Variants in PTPRD observed in about 807,000 individuals in gnomAD.
PTPRD encodes protein tyrosine phosphatase receptor type D, also known as receptor-type tyrosine-protein phosphatase delta.
Under a neutral mutation model 214.5 loss-of-function variants are expected in PTPRD, and 34 were observed. The observed-to-expected ratio is 0.16, with a 90% CI of 0.12 to 0.21. The LOEUF (loss-of-function observed/expected upper bound fraction) is 0.21. PTPRD is among the 10% of genes least tolerant of loss of function. The pLI, the probability that PTPRD is intolerant of heterozygous loss-of-function variation, is 1.00. For synonymous variants in PTPRD, 1,128 were observed against 845.7 expected (o/e 1.33, Z -5.79); for missense variants, 2,545 against 2,398.7 (o/e 1.06, Z -1.27).
intron 5 of PTPRD, among the ~76,000 whole-genome samples, chr9:9,883,936 T>C (rs751280011): frequency 6.6e-6 from 1 of 152,172 alleles, no homozygotes; most frequent in Non-Finnish European, 1.5e-5. Context: ...CTGAATACTC[T>C]ATGCTTTCAG....
chr9:8,913,912 T>A (rs2098766399), intron 11 of PTPRD, among the ~76,000 whole-genome samples: 1 of 152,148 alleles, frequency 6.6e-6, no homozygotes, highest in South Asian at 2.1e-4. Flanking sequence ...ATTCAACAAA[T>A]ATTTACTAAG....
chr9:9,720,505 C>G (rs6477411), intron 7 of PTPRD, among the ~76,000 whole-genome samples: 65,133 of 152,004 alleles, frequency 0.43, 16,365 homozygotes, highest in African/African-American at 0.69. Context: ...TTAGAAAATA[C>G]TGGCAGGGTA....
intron 11 of PTPRD, among the ~76,000 whole-genome samples, chr9:8,933,160 G>A (rs750303393): frequency 5.9e-5 from 9 of 151,940 alleles, no homozygotes; most frequent in South Asian, 2.1e-4. Context: ...GTGAGGTGAC[G>A]CCCCACCCTG....
At chr9:10,380,848 T>C (rs111926710) in intron 2 of PTPRD, among the ~76,000 whole-genome samples, 2,327 of 152,102 alleles carry the variant, frequency 0.015, 64 homozygotes, top group African/African-American at 0.053. Flanking sequence ...TGAGTTCAAT[T>C]GTGATTAGTC....
At chr9:10,394,866 T>C (rs2098137196) in intron 2 of PTPRD, among the ~76,000 whole-genome samples, 1 of 151,858 alleles carries the variant, frequency 6.6e-6, no homozygotes, top group Non-Finnish European at 1.5e-5. Context: ...AGATGGTCAT[T>C]CCAAAGATAA....
intron 5 of PTPRD, among the ~76,000 whole-genome samples, chr9:9,828,714 A>G (rs1277008809): frequency 1.4e-5 from 2 of 144,884 alleles, no homozygotes; most frequent in African/African-American, 2.5e-5. Flanking sequence ...CCTAAGCAGG[A>G]TTTTTTTTTT....
At chr9:10,026,747 C>T (rs1366063834) in intron 4 of PTPRD, among the ~76,000 whole-genome samples, 1 of 152,040 alleles carries the variant, frequency 6.6e-6, no homozygotes, top group African/African-American at 2.4e-5. Context: ...GACTTTGACA[C>T]AACCATCACG....
intron 8 of PTPRD, among the ~76,000 whole-genome samples, chr9:9,481,724 C>T (rs1424005106): frequency 1.3e-5 from 2 of 151,888 alleles, no homozygotes; most frequent in Middle Eastern, 3.4e-3. Flanking sequence ...GCAGTGCTGG[C>T]GTTCAGTTCT....
chr9:9,531,121 C>T (rs1263725859), intron 8 of PTPRD, among the ~76,000 whole-genome samples: 10 of 152,236 alleles, frequency 6.6e-5, no homozygotes, highest in Non-Finnish European at 1.3e-4. Flanking sequence ...GCATTCTATG[C>T]TGCAACAAAT....
At chr9:9,930,028 A>C (rs1250614415) in intron 5 of PTPRD, among the ~76,000 whole-genome samples, 1 of 152,202 alleles carries the variant, frequency 6.6e-6, no homozygotes, top group African/African-American at 2.4e-5. Context: ...TGTAGGAAAC[A>C]AAACAAAACA....
At chr9:9,010,564 G>C (rs954197138) in intron 11 of PTPRD, among the ~76,000 whole-genome samples, 1 of 152,202 alleles carries the variant, frequency 6.6e-6, no homozygotes. Flanking sequence ...CAGTGCACAT[G>C]TTTTCACATG....
chr9:9,300,307 T>C (rs1795259867), intron 9 of PTPRD, among the ~76,000 whole-genome samples: 1 of 151,688 alleles, frequency 6.6e-6, no homozygotes, highest in Admixed American at 6.6e-5. Flanking sequence ...GTATACACTA[T>C]TTTGTATCTT....
chr9:8,761,175 T>A (rs1190995076), intron 11 of PTPRD, among the ~76,000 whole-genome samples: 1 of 152,136 alleles, frequency 6.6e-6, no homozygotes, highest in East Asian at 1.9e-4. Flanking sequence ...AAAAACATTT[T>A]ACAAATAGAG....
intron 8 of PTPRD, among the ~76,000 whole-genome samples, chr9:9,520,261 A>AAAGTTTTATATATATATATATATT (rs1569568971): frequency 2.7e-5 from 4 of 147,588 alleles, no homozygotes; most frequent in African/African-American, 9.9e-5. Context: ...TAGACTCCTA[A>AAAGTTTTATATATATATATATATT]AAGTTATATA....
chr9:9,114,584 T>C (rs1175316687), intron 10 of PTPRD, among the ~76,000 whole-genome samples: 1 of 152,098 alleles, frequency 6.6e-6, no homozygotes, highest in Non-Finnish European at 1.5e-5. Context: ...GTCATAGCAA[T>C]CTCTTATTCA....
At chr9:8,620,506 A>G (rs947316338) in intron 14 of PTPRD, among the ~76,000 whole-genome samples, 4 of 152,050 alleles carry the variant, frequency 2.6e-5, no homozygotes, top group African/African-American at 9.7e-5. Context: ...GTTATTTTGC[A>G]TCAGTGATGG....
At chr9:8,623,425 T>C (rs190594887) in intron 14 of PTPRD, among the ~76,000 whole-genome samples, 227 of 152,084 alleles carry the variant, frequency 1.5e-3, no homozygotes, top group Admixed American at 3.7e-3. Context: ...GATTATTTAG[T>C]GGACAAGGTA....
At chr9:8,786,450 C>T (rs1465317969) in intron 11 of PTPRD, among the ~76,000 whole-genome samples, 1 of 143,780 alleles carries the variant, frequency 7.0e-6, no homozygotes, top group Non-Finnish European at 1.5e-5. Flanking sequence ...CGCTCTGTCG[C>T]CCAGCTTGGA....
chr9:10,138,873 A>G (rs1309150808), intron 3 of PTPRD, among the ~76,000 whole-genome samples: 1 of 152,096 alleles, frequency 6.6e-6, no homozygotes, highest in East Asian at 1.9e-4. Context: ...ACCCTCAGCA[A>G]ACTAAGCATT....
Sources: allele counts gnomAD v4.1 joint callset (sites outside exome capture counted in the v4.1 genomes callset), GRCh38; gene constraint gnomAD v4.1.1; transcripts MANE v1.5; gene names NCBI Gene and HGNC (gene_info 2026-07-23, HGNC 2026-07-21).